FAT3: variants seen among roughly 807,000 people sequenced by gnomAD.
The protein encoded by FAT3 is FAT atypical cadherin 3, also known as protocadherin Fat 3.
In FAT3, 95 loss-of-function variants were observed where a neutral mutation model predicts 310.2. The observed-to-expected ratio is 0.31, with a 90% confidence interval of 0.26 to 0.36. The LOEUF (loss-of-function observed/expected upper bound fraction) is 0.36. Ranked by LOEUF, FAT3 falls within the 10% of genes least tolerant of loss-of-function variation. FAT3 has a pLI of 1.00. For missense variants in FAT3, 5,408 were observed against 5,715.6 expected (o/e 0.95, Z 1.74); for synonymous variants, 2,314 against 2,192.9 (o/e 1.06, Z -1.54).
chr11:92,658,735 A>T (rs2135785933), intron 3 of FAT3, among the ~76,000 whole-genome samples: 1 of 152,264 alleles, frequency 6.6e-6, no homozygotes, highest in South Asian at 2.1e-4. Context: ...AAAAGTAGAG[A>T]TGCTTGTAGC....
intron 2 of FAT3, among the ~76,000 whole-genome samples, chr11:92,421,676 AC>A (rs1342031214): frequency 1.3e-5 from 2 of 152,186 alleles, no homozygotes; most frequent in Admixed American, 6.5e-5. Flanking sequence ...TTATTGAGAG[AC>A]AATCGACCTC....
chr11:92,277,022 G>A (rs927796396), intron 1 of FAT3, among the ~76,000 whole-genome samples: 5 of 152,056 alleles, frequency 3.3e-5, no homozygotes, highest in Admixed American at 1.3e-4. Flanking sequence ...ATTTTTTAGT[G>A]GGCCCACATA....
At chr11:92,505,042 A>G (rs1953056428) in intron 2 of FAT3, among the ~76,000 whole-genome samples, 1 of 152,106 alleles carries the variant, frequency 6.6e-6, no homozygotes, top group African/African-American at 2.4e-5. Context: ...GAACAATGCA[A>G]TGCACTTTAG....
At chr11:92,802,701 C>T (rs748043845) in intron 10 of FAT3, among the ~76,000 whole-genome samples, 1 of 152,042 alleles carries the variant, frequency 6.6e-6, no homozygotes, top group African/African-American at 2.4e-5. Flanking sequence ...ATTTTGATGT[C>T]GTCACATTCA....
chr11:92,260,133 G>A (rs1004427063), intron 1 of FAT3, among the ~76,000 whole-genome samples: 6 of 152,140 alleles, frequency 3.9e-5, no homozygotes, highest in African/African-American at 1.4e-4. Flanking sequence ...TTGGGCAGAT[G>A]CAGCCCTTGG....
chr11:92,881,147 G>T (rs1949662788), intron 23 of FAT3, among the ~76,000 whole-genome samples: 2 of 152,124 alleles, frequency 1.3e-5, no homozygotes. Flanking sequence ...TATGTAGTCT[G>T]TAACTAGGGA....
At chr11:92,528,438 G>C (rs982127403) in intron 3 of FAT3, among the ~76,000 whole-genome samples, 1 of 152,204 alleles carries the variant, frequency 6.6e-6, no homozygotes, top group Non-Finnish European at 1.5e-5. Flanking sequence ...CCAGGCTGGA[G>C]TGCATTGGCA....
chr11:92,292,289 A>G (rs1946713455), intron 1 of FAT3, among the ~76,000 whole-genome samples: 1 of 152,094 alleles, frequency 6.6e-6, no homozygotes, highest in African/African-American at 2.4e-5. Flanking sequence ...TGGGCTTATC[A>G]TTATTAGCCT....
intron 2 of FAT3, among the ~76,000 whole-genome samples, chr11:92,488,452 C>A (rs1220150220): frequency 1.4e-5 from 1 of 73,328 alleles, no homozygotes; most frequent in Non-Finnish European, 2.8e-5. Flanking sequence ...CTAGCACCGC[C>A]CCCCCCCCCG....
At chr11:92,515,652 A>G (rs975346014) in intron 2 of FAT3, among the ~76,000 whole-genome samples, 4 of 152,098 alleles carry the variant, frequency 2.6e-5, no homozygotes, top group African/African-American at 7.2e-5. Flanking sequence ...TGCTTAACCT[A>G]TATCTGTTTC....
Position 92,353,522 on chromosome 11 carries a change from A to T in FAT3, c.1410A>T (p.Pro470=), listed in dbSNP as rs1407547672. The T allele has an allele frequency of 2.5e-6, 4 of 1,613,716 alleles. No homozygotes were observed. Among genetic ancestry groups the T allele is most frequent in the Non-Finnish European group, 1.7e-6 (2 of 1,179,818 alleles). ...TAGAAGATGCAAATGACCACACCCC[A>T]GAATTTCAGCAACCACTGTATGATG... is the stretch of plus-strand genomic sequence containing the variant. The part of the protein sequence containing the change: ...ISIEDANDHT[P]EFQQPLYDAY... Residue 470 remains proline (P), a synonymous_variant, in exon 2 of 28, where the codon CCA becomes CCT. Transcript: ENST00000525166.
At chr11:92,259,787 G>C (rs1865466021) in intron 1 of FAT3, among the ~76,000 whole-genome samples, 1 of 152,070 alleles carries the variant, frequency 6.6e-6, no homozygotes, top group African/African-American at 2.4e-5. Context: ...AAAACCAAAG[G>C]ACCGAACTTT....
At chr11:92,340,694 G>A (rs1948230608) in intron 1 of FAT3, among the ~76,000 whole-genome samples, 2 of 152,154 alleles carry the variant, frequency 1.3e-5, no homozygotes, top group South Asian at 4.1e-4. Flanking sequence ...AAAGATCCAC[G>A]TTGACCTGTT....
At chr11:92,554,378 C>T (rs532393721) in intron 3 of FAT3, among the ~76,000 whole-genome samples, 5 of 136,970 alleles carry the variant, frequency 3.7e-5, no homozygotes, top group African/African-American at 8.2e-5. Context: ...AGGAGAATGG[C>T]GTGAACCTGG....
rs1948637271 is a variant in FAT3 at position 92,353,687 on chromosome 11, A to C, written c.1575A>C (p.Thr525=). The C allele has an allele frequency of 6.2e-7, 1 of 1,613,918 alleles. No homozygotes were observed. Among genetic ancestry groups the C allele is most frequent in the East Asian group, 2.2e-5 (1 of 44,870 alleles). ...TACCATTTGTCATTAATCAGTTTAC[A>C]GGTGTTATTAGCACAACTGAAGAAC... is the stretch of plus-strand genomic sequence containing the variant. ...NLLPFVINQF[T]GVISTTEELD... is the part of the protein sequence containing the mutation. The change falls in exon 2 of 28, where the codon ACA becomes ACC. Residue 525 remains threonine, a synonymous_variant. Coordinates refer to ENST00000525166, the MANE Select transcript of FAT3 (RefSeq NM_001367949.2).
chr11:92,351,476 G>A (rs1417872174), intron 1 of FAT3, among the ~76,000 whole-genome samples: 1 of 152,076 alleles, frequency 6.6e-6, no homozygotes, highest in Admixed American at 6.6e-5. Flanking sequence ...TGCACATATA[G>A]GTGTTTATAT....
intron 4 of FAT3, among the ~76,000 whole-genome samples, chr11:92,735,809 C>CTTAA (rs1478155758): frequency 1.3e-5 from 2 of 151,244 alleles, no homozygotes; most frequent in African/African-American, 4.9e-5. Flanking sequence ...ATATCCAGTG[C>CTTAA]TTAACCTCTA....
At chr11:92,293,462 C>G (rs928601536) in intron 1 of FAT3, among the ~76,000 whole-genome samples, 1 of 146,816 alleles carries the variant, frequency 6.8e-6, no homozygotes, top group Non-Finnish European at 1.5e-5. Flanking sequence ...TACTCATGAT[C>G]ACGTGACCCT....
At chr11:92,415,520 C>T (rs1180870568) in intron 2 of FAT3, among the ~76,000 whole-genome samples, 6 of 152,118 alleles carry the variant, frequency 3.9e-5, no homozygotes, top group Non-Finnish European at 7.4e-5. Context: ...GCCATCGTTT[C>T]GGAAATGTGG....
Sources: allele counts gnomAD v4.1 joint callset (sites outside exome capture counted in the v4.1 genomes callset), GRCh38; gene constraint gnomAD v4.1.1; transcripts MANE v1.5; gene names NCBI Gene and HGNC (gene_info 2026-07-23, HGNC 2026-07-21).